Variants in TBC1D19 observed in about 807,000 individuals in gnomAD.
TBC1D19 encodes TBC1 domain family member 19, also known as TBC1 domain family, member 19.
Under a neutral mutation model 89.0 loss-of-function variants are expected in TBC1D19, and 60 were observed. The ratio of observed to expected loss-of-function variants is 0.67; its 90% CI spans 0.55 to 0.84. The LOEUF (loss-of-function observed/expected upper bound fraction) is 0.84. TBC1D19 is among the 40% of genes least tolerant of loss of function. TBC1D19 has a pLI of 0.00. For synonymous variants in TBC1D19, 189 were observed against 199.7 expected, an observed-to-expected ratio of 0.95 and a Z score of 0.45; for missense variants, 500 against 610.8, an observed-to-expected ratio of 0.82 and a Z score of 1.91.
At chr4:26,727,736 G>C (rs113408466) in intron 15 of TBC1D19, among the ~76,000 whole-genome samples, 5 of 152,190 alleles carry the variant, frequency 3.3e-5, no homozygotes, top group African/African-American at 9.6e-5. Flanking sequence ...TTTCAACATT[G>C]AGTTATCAAA....
chr4:26,828,044 G>C, the TBC1D19 span, among the ~76,000 whole-genome samples: 1 of 152,198 alleles, frequency 6.6e-6, no homozygotes, highest in Non-Finnish European at 1.5e-5. Flanking sequence ...AGAACCGCCA[G>C]TCAGAACTCC....
At chr4:26,652,295 C>G (rs1282764518) in intron 7 of TBC1D19, among the ~76,000 whole-genome samples, 2 of 152,072 alleles carry the variant, frequency 1.3e-5, no homozygotes, top group African/African-American at 4.8e-5. Context: ...ATGGTACCAG[C>G]TCCTCTTTGT....
At chr4:26,630,884 C>G (rs1410392597) in intron 4 of TBC1D19, among the ~76,000 whole-genome samples, 1 of 151,980 alleles carries the variant, frequency 6.6e-6, no homozygotes, top group Non-Finnish European at 1.5e-5. Context: ...ATGGATACCA[C>G]TTAATTAAGA....
intron 13 of TBC1D19, among the ~76,000 whole-genome samples, chr4:26,707,045 T>C (rs1409137733): frequency 2.0e-5 from 3 of 152,102 alleles, no homozygotes; most frequent in Non-Finnish European, 4.4e-5. Flanking sequence ...ATCTAGTTGG[T>C]TTATCATGTA....
chr4:26,706,947 A>T (rs1232171641), intron 13 of TBC1D19, among the ~76,000 whole-genome samples: 1 of 152,036 alleles, frequency 6.6e-6, no homozygotes. Flanking sequence ...GTGACCTAAT[A>T]TATGATCTAT....
At chr4:26,840,082 C>CTCTT in the TBC1D19 span, among the ~76,000 whole-genome samples, 2 of 151,712 alleles carry the variant, frequency 1.3e-5, no homozygotes, top group Non-Finnish European at 2.9e-5. Context: ...CTCTCTTCCT[C>CTCTT]TCTTTCTTTC....
chr4:26,691,973 G>A (rs1714330562), intron 13 of TBC1D19, among the ~76,000 whole-genome samples: 1 of 152,088 alleles, frequency 6.6e-6, no homozygotes, highest in African/African-American at 2.4e-5. Context: ...AGTATTTAAA[G>A]TCTCTGGTAA....
At chr4:26,853,012 G>A in the TBC1D19 span, among the ~76,000 whole-genome samples, 27 of 152,178 alleles carry the variant, frequency 1.8e-4, no homozygotes, top group African/African-American at 4.8e-4. Context: ...CCGCAATGGC[G>A]TCCCCGCTCC....
chr4:26,756,347 G>T (rs1302789169), downstream of TBC1D19, among the ~76,000 whole-genome samples: 1 of 152,180 alleles, frequency 6.6e-6, no homozygotes, highest in Non-Finnish European at 1.5e-5. Context: ...AAGAGAGTGA[G>T]TTTTAAATGA....
the TBC1D19 span, among the ~76,000 whole-genome samples, chr4:26,812,694 T>TGTAAA: frequency 6.6e-6 from 1 of 152,052 alleles, no homozygotes; most frequent in Non-Finnish European, 1.5e-5. The surrounding 1 kb of genome is among the most constrained non-coding windows in gnomAD (Gnocchi z 4.2). Flanking sequence ...CATCCTCTTT[T>TGTAAA]ATCTTTTAAT....
At chr4:26,614,829 C>A (rs1228930290) in intron 3 of TBC1D19, among the ~76,000 whole-genome samples, 1 of 152,086 alleles carries the variant, frequency 6.6e-6, no homozygotes, top group Non-Finnish European at 1.5e-5. Context: ...AGGCCCCTGC[C>A]ACAACACCTG....
intron 7 of TBC1D19, among the ~76,000 whole-genome samples, chr4:26,655,551 C>A (rs555839169): frequency 6.6e-6 from 1 of 152,218 alleles, no homozygotes. Context: ...CTTTGTTTAC[C>A]TAGTCAAGCG....
chr4:26,576,800 A>G, intron 1 of TBC1D19: 2 of 456,276 alleles, frequency 4.4e-6, no homozygotes, highest in South Asian at 3.1e-5. Flanking sequence ...GGATGAAGGT[A>G]TGACCAGGAC....
chr4:26,635,993 T>C (rs978882425), intron 4 of TBC1D19, among the ~76,000 whole-genome samples: 1 of 152,140 alleles, frequency 6.6e-6, no homozygotes, highest in African/African-American at 2.4e-5. Flanking sequence ...AAGCCATCAC[T>C]TATTGAATGA....
chr4:26,690,659 C>T (rs1398221821), intron 13 of TBC1D19, among the ~76,000 whole-genome samples: 1 of 152,194 alleles, frequency 6.6e-6, no homozygotes, highest in Non-Finnish European at 1.5e-5. Context: ...CTGTTAACAG[C>T]ATGGTCTACC....
chr4:26,742,869 G>A lies in TBC1D19; in HGVS notation c.1319+270G>A, dbSNP rs553421116. Among the ~76,000 whole-genome samples the A allele has an allele frequency of 5.9e-5, 9 of 152,138 alleles. No homozygotes were observed. The East Asian group carries it at 1.3e-3, about 23-fold the overall frequency. On this transcript the variant is annotated intron_variant, in intron 18 of 20. Coordinates refer to ENST00000264866, the MANE Select transcript of TBC1D19 (RefSeq NM_018317.4). Reference sequence around the variant, plus strand: ...AAATGAACCAATTTCTATTCATAACGAAAGGTGTCAGCCAAAACTGAAGCA... The same window carrying A: ...AAATGAACCAATTTCTATTCATAACAAAAGGTGTCAGCCAAAACTGAAGCA...
chr4:26,792,556 A>T, the TBC1D19 span, among the ~76,000 whole-genome samples: 1 of 152,256 alleles, frequency 6.6e-6, no homozygotes, highest in Admixed American at 6.5e-5. Context: ...GGAAAAGTAT[A>T]TCTTAATTGT....
chr4:26,624,996 T>A (rs1473489320), intron 4 of TBC1D19, among the ~76,000 whole-genome samples: 3 of 152,188 alleles, frequency 2.0e-5, no homozygotes, highest in Admixed American at 6.6e-5. Flanking sequence ...GTGTTTCTTT[T>A]CACTTTGTAT....
the TBC1D19 span, among the ~76,000 whole-genome samples, chr4:26,818,798 G>A: frequency 3.9e-5 from 6 of 152,298 alleles, no homozygotes; most frequent in Non-Finnish European, 5.9e-5. Context: ...ACCCCCAGAA[G>A]TCTTGGGCAA....
Sources: gnomAD v4.1 joint callset for allele counts (sites outside exome capture counted in the v4.1 genomes callset) on GRCh38, gnomAD v4.1.1 for gene constraint, Gnocchi (gnomAD v3.1) non-coding constraint, MANE v1.5 for transcripts, NCBI Gene and HGNC (gene_info 2026-07-23, HGNC 2026-07-21) for gene names.